Variants in WDPCP observed in about 807,000 individuals in gnomAD.
WDPCP encodes WD repeat containing planar cell polarity effector, also known as WD repeat-containing and planar cell polarity effector protein fritz homolog.
Under a neutral mutation model 93.1 loss-of-function variants are expected in WDPCP, and 71 were observed. The observed-to-expected ratio is 0.76, with a 90% CI of 0.63 to 0.93. The LOEUF (loss-of-function observed/expected upper bound fraction) is 0.93. WDPCP is among the 40% of genes least tolerant of loss of function. The pLI is 0.00. For missense variants in WDPCP, 844 were observed against 887.4 expected (o/e 0.95, Z 0.62); for synonymous variants, 315 against 315.0 (o/e 1.00, Z 0.00).
intron 12 of WDPCP, chr2:63,369,348 G>A: frequency 2.2e-6 from 1 of 454,306 alleles, no homozygotes; most frequent in Non-Finnish European, 4.4e-6. Flanking sequence ...GTCATCAGCA[G>A]GGGACAGTCT....
chr2:63,328,668 A>T (rs774489059), intron 12 of WDPCP, among the ~76,000 whole-genome samples: 4 of 152,164 alleles, frequency 2.6e-5, no homozygotes, highest in Non-Finnish European at 5.9e-5. Flanking sequence ...CAGACACATT[A>T]CCACACTCAA....
intron 3 of WDPCP, chr2:63,597,429 C>G (rs745899282): frequency 2.1e-6 from 3 of 1,450,034 alleles, no homozygotes; most frequent in Non-Finnish European, 2.8e-6. Context: ...GAAGACGTTG[C>G]CTTCAAAGAC....
At chr2:63,237,953 G>C (rs1351659789) in intron 14 of WDPCP, among the ~76,000 whole-genome samples, 1 of 150,636 alleles carries the variant, frequency 6.6e-6, no homozygotes, top group African/African-American at 2.4e-5. Flanking sequence ...TAACAAACCT[G>C]TACATGCATT....
intron 1 of WDPCP, among the ~76,000 whole-genome samples, chr2:63,538,096 C>CTTTAAAGATTTTG (rs1704440369): frequency 6.6e-6 from 1 of 151,802 alleles, no homozygotes; most frequent in Non-Finnish European, 1.5e-5. Context: ...AAATCTTAAA[C>CTTTAAAGATTTTG]TTTAAAGAAC....
chr2:63,168,192 A>G (rs1673129252), intron 15 of WDPCP, among the ~76,000 whole-genome samples: 1 of 149,634 alleles, frequency 6.7e-6, no homozygotes, highest in Admixed American at 6.7e-5. Context: ...TCTTTTATAG[A>G]TTTTCCTTTA....
chr2:63,585,346 A>G (rs2106565778), intron 1 of WDPCP, among the ~76,000 whole-genome samples: 1 of 152,320 alleles, frequency 6.6e-6, no homozygotes, highest in African/African-American at 2.4e-5. Context: ...GCCAACAAAT[A>G]ATTTCCAAGA....
chr2:63,466,742 G>A (rs1012006884), intron 6 of WDPCP, among the ~76,000 whole-genome samples: 3 of 152,144 alleles, frequency 2.0e-5, no homozygotes, highest in Non-Finnish European at 4.4e-5. Flanking sequence ...AGATTATTCA[G>A]ATTTGAACTC....
chr2:63,661,169 TG>T (rs1306217971), intron 2 of WDPCP, among the ~76,000 whole-genome samples: 1 of 152,230 alleles, frequency 6.6e-6, no homozygotes, highest in African/African-American at 2.4e-5. Context: ...ACAGCTTAGC[TG>T]GGTCTTTTGC....
chr2:63,527,120 C>T (rs896868523), intron 1 of WDPCP, among the ~76,000 whole-genome samples: 3 of 152,084 alleles, frequency 2.0e-5, no homozygotes, highest in Non-Finnish European at 4.4e-5. Flanking sequence ...CTCTCACATT[C>T]CTGCAAGCAA....
intron 2 of WDPCP, among the ~76,000 whole-genome samples, chr2:63,736,622 T>A (rs948901859): frequency 2.5e-4 from 38 of 152,222 alleles, no homozygotes; most frequent in African/African-American, 8.4e-4. Context: ...AGGGCATCAG[T>A]CTCTCAAAAT....
At chr2:63,353,532 G>A (rs1689786982) in intron 12 of WDPCP, among the ~76,000 whole-genome samples, 1 of 152,168 alleles carries the variant, frequency 6.6e-6, no homozygotes. Context: ...TGCCTTAGCT[G>A]CTCCAGTCAG....
intron 12 of WDPCP, among the ~76,000 whole-genome samples, chr2:63,351,034 T>G (rs1689570460): frequency 6.6e-6 from 1 of 151,976 alleles, no homozygotes; most frequent in African/African-American, 2.4e-5. Context: ...CAGGCTAGAG[T>G]GCAATGGCTC....
chr2:63,656,498 G>A (rs559388856), intron 2 of WDPCP, among the ~76,000 whole-genome samples: 1 of 152,208 alleles, frequency 6.6e-6, no homozygotes, highest in Non-Finnish European at 1.5e-5. Flanking sequence ...AGCCAGAAAT[G>A]GGCCAAAGCC....
chr2:63,404,379 A>C lies in WDPCP; in HGVS notation c.1104T>G (p.Arg368=), dbSNP rs1694394015. The part of the protein sequence containing the change: ...DSSLILYETH[R]RVTLLAQTEL... Reference sequence around the variant, plus strand: ...CAGTCTGTGCTAAGAGAGTCACTCTACGGTGAGTTTCATAAAGAATTAGCG... The same window carrying C: ...CAGTCTGTGCTAAGAGAGTCACTCTCCGGTGAGTTTCATAAAGAATTAGCG... Residue 368 remains arginine, a synonymous_variant, in exon 10 of 18, where the codon CGT becomes CGG. Transcript: ENST00000272321. 6.2e-7 allele frequency: 1 copy of C among 1,614,082 alleles called. No individual in the cohort carries two copies. Among genetic ancestry groups the C allele is most frequent in the Admixed American group, 1.7e-5 (1 of 59,994 alleles).
intron 1 of WDPCP, among the ~76,000 whole-genome samples, chr2:63,498,737 G>C (rs1265881554): frequency 6.6e-6 from 1 of 152,178 alleles, no homozygotes; most frequent in Non-Finnish European, 1.5e-5. Context: ...GCCATGGGAA[G>C]GACAGGAAGC....
chr2:63,458,345 C>G (rs984061617), intron 6 of WDPCP, among the ~76,000 whole-genome samples: 3 of 151,784 alleles, frequency 2.0e-5, no homozygotes, highest in Admixed American at 6.6e-5. Context: ...CCAGAAAACT[C>G]TTAGAACTGA....
intron 1 of WDPCP, among the ~76,000 whole-genome samples, chr2:63,537,979 A>T (rs184025202): frequency 6.6e-6 from 1 of 152,210 alleles, no homozygotes; most frequent in Non-Finnish European, 1.5e-5. Flanking sequence ...GAACAAGAGC[A>T]TAAGTCCCGC....
At chr2:63,131,282 T>G in intron 17 of WDPCP, among the ~76,000 whole-genome samples, 1 of 152,128 alleles carries the variant, frequency 6.6e-6, no homozygotes, top group Non-Finnish European at 1.5e-5. Flanking sequence ...CTTACTGCCC[T>G]CCCTTTGTAA....
Position 63,751,652 on chromosome 2 carries a change from G to A in WDPCP, n.308+61970C>T, listed in dbSNP as rs1669884882. ...TCTGTAGCTTCCATGTCCCTTCTCT[G>A]GCTCTCTTCTCCTGCTAAGCTTTGT... On this transcript the variant is annotated intron_variant and non_coding_transcript_variant, in intron 2 of 4. Transcript: ENST00000467687. The A allele has an allele frequency of 9.3e-5, 45 of 485,872 alleles. 1 individual carries two copies. The highest frequency in any genetic ancestry group is 5.7e-4 in the South Asian group (36 of 62,938). 30.1% of individuals were successfully genotyped at this position (485,872 alleles called of 1,614,324 possible).
Sources: gnomAD v4.1 joint callset for allele counts (sites outside exome capture counted in the v4.1 genomes callset) on GRCh38, gnomAD v4.1.1 for gene constraint, MANE v1.5 for transcripts, NCBI Gene and HGNC (gene_info 2026-07-23, HGNC 2026-07-21) for gene names.